The following TRAPPC8 variants were observed in gnomAD, a reference collection of about 807,000 sequenced individuals.
The protein encoded by TRAPPC8 is general sporulation gene 1 homolog.
In TRAPPC8, 54 loss-of-function variants were observed where a neutral mutation model predicts 174.3. The ratio of observed to expected loss-of-function variants is 0.31; its 90% CI spans 0.25 to 0.39. TRAPPC8 has a LOEUF of 0.39. TRAPPC8 is among the 10% of genes least tolerant of loss of function. The probability of loss-of-function intolerance (pLI) is 1.00; values close to 1 mark genes in which losing one functional copy is unlikely to be tolerated. For missense variants in TRAPPC8, 1,531 were observed against 1,699.1 expected (o/e 0.90, Z 1.74); for synonymous variants, 630 against 579.9 (o/e 1.09, Z -1.24).
chr18:31,858,058 C>CTT (rs34631623), intron 19 of TRAPPC8, 76 bp from the exon 20 acceptor site: 18,616 of 969,292 alleles, frequency 0.019, 197 homozygotes, highest in African/African-American at 0.089. Context: ...CTTTAAGACA[C>CTT]TTTTTTTTTT....
chr18:31,870,269 C>CA, intron 16 of TRAPPC8, 103 bp downstream of exon 16: 1 of 1,066,510 alleles, frequency 9.4e-7, no homozygotes. Flanking sequence ...AAAAATAAAC[C>CA]AAAAAGAAGT....
chr18:31,861,371 G>C (rs1844345015), intron 19 of TRAPPC8, among the ~76,000 whole-genome samples: 1 of 151,986 alleles, frequency 6.6e-6, no homozygotes, highest in Admixed American at 6.6e-5. Flanking sequence ...TACAGACCTA[G>C]CAATATCAAA....
intron 15 of TRAPPC8, 76 bp downstream of exon 15, chr18:31,870,850 G>T: frequency 7.7e-7 from 1 of 1,296,830 alleles, no homozygotes; most frequent in Non-Finnish European, 1.0e-6. Context: ...AATTATGTGT[G>T]CCAAACAATA....
At chr18:31,899,931 C>G (rs144682384) in intron 10 of TRAPPC8, among the ~76,000 whole-genome samples, 39 of 150,468 alleles carry the variant, frequency 2.6e-4, no homozygotes, top group Non-Finnish European at 8.9e-5. Flanking sequence ...GGTGACAATG[C>G]GAGACTGTCT....
intron 16 of TRAPPC8, among the ~76,000 whole-genome samples, chr18:31,869,144 G>C (rs952853316): frequency 1.6e-4 from 24 of 151,916 alleles, no homozygotes; most frequent in African/African-American, 5.8e-4. Flanking sequence ...TTACAGTCAG[G>C]TGGGTATTAA....
In TRAPPC8 at chr18:31,942,837, T is replaced by C. The variant is rs2038410705; in HGVS notation, c.-73A>G. 9 of 1,263,066 alleles carry C rather than the reference T, an allele frequency of 7.1e-6. No homozygotes were observed. Among genetic ancestry groups the C allele is most frequent in the Admixed American group, 4.2e-5 (1 of 23,744 alleles). The allele number at this position is 1,263,066 out of a possible 1,614,324, so 78.2% of individuals were successfully genotyped here. ...GAGGTTATCCTGCGGCTGCAGCAGC[T>C]ACCGCCGCCGCCCGCCGGCCTGGCC... On this transcript the variant is annotated 5_prime_UTR_variant, in exon 1 of 29. Coordinates refer to ENST00000283351, the MANE Select transcript of TRAPPC8 (RefSeq NM_014939.5).
rs79407227 is a variant in TRAPPC8, at chr18:31,905,822, C to A, written c.1389+1638G>T. Among the ~76,000 whole-genome samples, 3 of 152,282 alleles carry A rather than the reference C, an allele frequency of 2.0e-5. No homozygotes were observed. In the East Asian group the frequency reaches 5.8e-4, roughly 29 times the overall value. On this transcript the variant is annotated intron_variant, in intron 9 of 28. Coordinates refer to ENST00000283351, the MANE Select transcript of TRAPPC8 (RefSeq NM_014939.5). The stretch of plus-strand genomic sequence containing the variant: ...ATTTTCTCTCAAATAGCTACTAATA[C>A]TTCCAGTTGAATGGCTTAAATGTAG...
intron 11 of TRAPPC8, among the ~76,000 whole-genome samples, chr18:31,892,654 A>G (rs1265550274): frequency 2.6e-5 from 4 of 152,182 alleles, no homozygotes; most frequent in Admixed American, 1.3e-4. Context: ...AGTAGCACCA[A>G]TACATACTCT....
intron 26 of TRAPPC8, 49 bp from the exon 27 acceptor site, chr18:31,839,506 T>TA (rs748337704): frequency 0.037 from 40,536 of 1,102,328 alleles, 150 homozygotes; most frequent in African/African-American, 0.094. Flanking sequence ...CTACCTTGTT[T>TA]AAAAAAAAAA....
At chr18:31,839,993 C>T (rs960257353) in intron 26 of TRAPPC8, among the ~76,000 whole-genome samples, 8 of 152,072 alleles carry the variant, frequency 5.3e-5, no homozygotes, top group African/African-American at 1.9e-4. Context: ...GGTTAAAATG[C>T]ACGTAAAAAG....
chr18:31,832,182 G>A lies in TRAPPC8; in HGVS notation c.3984-9C>T. On this transcript the variant is annotated splice_polypyrimidine_tract_variant and intron_variant, in intron 27 of 28. Transcript: ENST00000283351. Reference sequence around the variant, plus strand: ...CTGGTACTAAACAAAGGCTATGGAAGAAAAATAAACAAAAAAGTTATATAT... The same window carrying A: ...CTGGTACTAAACAAAGGCTATGGAAAAAAAATAAACAAAAAAGTTATATAT... 6.8e-7 allele frequency: 1 copy of A among 1,460,770 alleles called. No individual in the cohort carries two copies. The allele number at this position is 1,460,770 out of a possible 1,614,324, so 90.5% of individuals were successfully genotyped here. A position where few individuals can be genotyped will look rare whatever the true frequency, so the allele number is the denominator to read the frequency against.
At chr18:31,919,533 AAAATAAATAAATAAATAAATAAAT>A (rs200943530) in intron 2 of TRAPPC8, among the ~76,000 whole-genome samples, 65 of 115,654 alleles carry the variant, frequency 5.6e-4, no homozygotes, top group East Asian at 5.4e-3. Context: ...ACTCAGTCTC[AAAATAAATAAATAAATAAATAAAT>A]AAATAAATAA....
chr18:31,843,493 A>C (rs1314912349), intron 26 of TRAPPC8, among the ~76,000 whole-genome samples: 1 of 152,208 alleles, frequency 6.6e-6, no homozygotes, highest in Non-Finnish European at 1.5e-5. Flanking sequence ...AAATTAAAAG[A>C]CATGCTGATT....
intron 25 of TRAPPC8, 62 bp from the exon 26 acceptor site, chr18:31,846,879 C>G: frequency 8.5e-7 from 1 of 1,170,826 alleles, no homozygotes; most frequent in East Asian, 2.4e-5. Context: ...AGTAACCAAC[C>G]CAATACTTGA....
chr18:31,871,260 T>A, intron 14 of TRAPPC8, 140 bp from the exon 15 acceptor site: 1 of 450,128 alleles, frequency 2.2e-6, no homozygotes, highest in Non-Finnish European at 3.8e-6. Flanking sequence ...GAGTGAAAAA[T>A]ATCCTCTCAT....
intron 8 of TRAPPC8, among the ~76,000 whole-genome samples, chr18:31,908,009 G>C (rs143857432): frequency 2.6e-5 from 4 of 152,188 alleles, no homozygotes; most frequent in Admixed American, 2.6e-4. Flanking sequence ...AGAATCATCA[G>C]GCCATTACAT....
chr18:31,847,184 G>A (rs1399679583), intron 25 of TRAPPC8, among the ~76,000 whole-genome samples: 1 of 152,178 alleles, frequency 6.6e-6, no homozygotes, highest in Non-Finnish European at 1.5e-5. Context: ...TTACAGCCTA[G>A]CTTCTGAAAT....
In TRAPPC8 at chr18:31,867,477, C is replaced by T; in HGVS notation, c.2389-1G>A. On this transcript the variant is annotated splice_acceptor_variant, in intron 16 of 28. Transcript: ENST00000283351. LOFTEE classifies it high-confidence loss of function. ...CAATCATTTCAGGTTCACTTGTAAC[C>T]TAAAAAATAAATTTCATAAATTATA... is the stretch of plus-strand genomic sequence containing the variant. The T allele has an allele frequency of 6.3e-7, 1 of 1,592,474 alleles. No homozygotes were observed.
chr18:31,898,293 T>C lies in TRAPPC8; in HGVS notation c.1491-402A>G, dbSNP rs932094049. On this transcript the variant is annotated intron_variant, in intron 10 of 28. Coordinates refer to ENST00000283351, the MANE Select transcript of TRAPPC8 (RefSeq NM_014939.5). ...TGCAGATGCAGAACCTGCAGATACA[T>C]AGGGCTGACTGTAAAAAGAAGAAAA... 3.9e-5 allele frequency among the ~76,000 whole-genome samples: 6 copies of C among 152,044 alleles called. No individual in the cohort carries two copies. The South Asian group carries it at 1.0e-3, about 26-fold the overall frequency.
Sources: gnomAD v4.1 joint callset for allele counts (sites outside exome capture counted in the v4.1 genomes callset) on GRCh38, gnomAD v4.1.1 for gene constraint, MANE v1.5 for transcripts, NCBI Gene and HGNC (gene_info 2026-07-23, HGNC 2026-07-21) for gene names.